The following LRP1B variants were observed in gnomAD, a reference collection of about 807,000 sequenced individuals.
LRP1B encodes the protein LDL receptor related protein 1B, also known as low-density lipoprotein receptor-related protein 1B.
In LRP1B, 217 loss-of-function variants were observed where a neutral mutation model predicts 556.6. The observed-to-expected ratio is 0.39, with a 90% CI of 0.35 to 0.44. The LOEUF (loss-of-function observed/expected upper bound fraction) is 0.44, where lower values mean the gene tolerates loss of function less well. Ranked by LOEUF, LRP1B falls within the 20% of genes least tolerant of loss-of-function variation. The pLI, the probability that LRP1B is intolerant of heterozygous loss-of-function variation, is 1.00. For synonymous variants in LRP1B, 2,047 were observed against 1,865.8 expected (o/e 1.10, Z -2.50); for missense variants, 5,053 against 5,620.8 (o/e 0.90, Z 3.23).
intron 2 of LRP1B, among the ~76,000 whole-genome samples, chr2:141,611,166 T>C (rs1411990831): frequency 6.6e-6 from 1 of 152,174 alleles, no homozygotes; most frequent in African/African-American, 2.4e-5. Context: ...TTAACCGTGG[T>C]TTCCCATAGT....
chr2:141,265,380 C>T (rs960176904), intron 3 of LRP1B, among the ~76,000 whole-genome samples: 1 of 152,118 alleles, frequency 6.6e-6, no homozygotes, highest in Non-Finnish European at 1.5e-5. Context: ...AGCGCGACCC[C>T]CTTCAACTGC....
intron 7 of LRP1B, among the ~76,000 whole-genome samples, chr2:141,148,859 G>C (rs775433657): frequency 1.3e-5 from 2 of 152,230 alleles, no homozygotes; most frequent in East Asian, 3.9e-4. Context: ...CGAGGCAGGC[G>C]GATCACTTGA....
intron 6 of LRP1B, among the ~76,000 whole-genome samples, chr2:141,226,274 G>A (rs1316353754): frequency 6.6e-6 from 1 of 152,064 alleles, no homozygotes; most frequent in Non-Finnish European, 1.5e-5. Flanking sequence ...ATTCTTTTTA[G>A]CCATCCAGCT....
intron 1 of LRP1B, among the ~76,000 whole-genome samples, chr2:142,008,831 G>A (rs1005498331): frequency 6.6e-6 from 1 of 151,954 alleles, no homozygotes; most frequent in African/African-American, 2.4e-5. Context: ...TATATAGTTG[G>A]TATTTCATAT....
At chr2:140,407,538 CAAAAT>C (rs911998831) in intron 66 of LRP1B, among the ~76,000 whole-genome samples, 2 of 151,894 alleles carry the variant, frequency 1.3e-5, no homozygotes, top group Non-Finnish European at 2.9e-5. Context: ...AGACATTTCT[CAAAAT>C]AAGATACACA....
intron 86 of LRP1B, among the ~76,000 whole-genome samples, 159 bp downstream of exon 86, chr2:140,270,083 A>AT (rs2104943200): frequency 6.6e-6 from 1 of 152,008 alleles, no homozygotes; most frequent in South Asian, 2.1e-4. Flanking sequence ...ATGAAAGGAG[A>AT]TTCTGCAGCA....
intron 60 of LRP1B, among the ~76,000 whole-genome samples, chr2:140,459,344 T>G (rs1687224874): frequency 6.6e-6 from 1 of 152,130 alleles, no homozygotes; most frequent in African/African-American, 2.4e-5. Flanking sequence ...ATTTCAAGAT[T>G]TTTAGAATAA....
intron 1 of LRP1B, among the ~76,000 whole-genome samples, chr2:141,824,483 C>T (rs1009713758): frequency 6.6e-6 from 1 of 152,116 alleles, no homozygotes; most frequent in Non-Finnish European, 1.5e-5. Flanking sequence ...CCTCAGCCTC[C>T]CGAGTAGAGT....
At chr2:141,926,986 A>G (rs1403388633) in intron 1 of LRP1B, among the ~76,000 whole-genome samples, 1 of 152,132 alleles carries the variant, frequency 6.6e-6, no homozygotes, top group Non-Finnish European at 1.5e-5. Context: ...TAGAAAGTAG[A>G]CTGCTTTGAT....
At chr2:140,849,739 G>GT (rs1692399159) in intron 29 of LRP1B, among the ~76,000 whole-genome samples, 1 of 151,824 alleles carries the variant, frequency 6.6e-6, no homozygotes, top group Admixed American at 6.6e-5. Context: ...GGGTTTCACC[G>GT]TGTTGGTTCA....
At position 140,766,890 on chromosome 2, in the gene LRP1B, C is replaced by T. The variant is rs557982378; in HGVS notation, c.5758+2323G>A. Among the ~76,000 whole-genome samples the T allele has an allele frequency of 8.6e-3, 1,177 of 137,260 alleles. 23 individuals carry two copies. Among genetic ancestry groups the T allele is most frequent in the African/African-American group, 0.033 (1,142 of 35,020 alleles). 90.0% of individuals were successfully genotyped at this position (137,260 alleles called of 152,430 possible). A position where few individuals can be genotyped will look rare whatever the true frequency, so the allele number is the denominator to read the frequency against. Reference sequence around the variant, plus strand: ...TAATATATATAACATATGATAATTTCTACAATATTTTACTTCCCACTTATT... The same window carrying T: ...TAATATATATAACATATGATAATTTTTACAATATTTTACTTCCCACTTATT... On this transcript the variant is annotated intron_variant, in intron 35 of 90. Coordinates refer to ENST00000389484, the MANE Select transcript of LRP1B (RefSeq NM_018557.3).
At chr2:141,453,530 T>C (rs1460902938) in intron 3 of LRP1B, among the ~76,000 whole-genome samples, 2 of 152,320 alleles carry the variant, frequency 1.3e-5, no homozygotes, top group African/African-American at 2.4e-5. Flanking sequence ...GTAATGTTAC[T>C]AGGTTCTGTG....
chr2:140,845,331 T>G (rs1191089727), intron 29 of LRP1B, among the ~76,000 whole-genome samples: 2 of 152,272 alleles, frequency 1.3e-5, no homozygotes, highest in South Asian at 2.1e-4. Context: ...ACCTACTATT[T>G]GTCCTAACTG....
chr2:142,119,212 C>T (rs1707371469), intron 1 of LRP1B, among the ~76,000 whole-genome samples: 1 of 152,078 alleles, frequency 6.6e-6, no homozygotes, highest in Non-Finnish European at 1.5e-5. Flanking sequence ...ACATACCATG[C>T]TTGAAAACTA....
chr2:142,061,938 G>A (rs774473906), intron 1 of LRP1B, among the ~76,000 whole-genome samples: 21 of 151,898 alleles, frequency 1.4e-4, no homozygotes, highest in Non-Finnish European at 2.9e-4. Flanking sequence ...CCTGGTGAAT[G>A]TCTCTCCAAC....
intron 4 of LRP1B, 110 bp downstream of exon 4, chr2:141,254,411 GT>G: frequency 1.9e-6 from 2 of 1,062,134 alleles, no homozygotes; most frequent in Non-Finnish European, 2.7e-6. Context: ...AGAAAGAAAA[GT>G]TAACATAAAC....
chr2:141,142,627 A>G (rs1701682792), intron 7 of LRP1B, among the ~76,000 whole-genome samples: 1 of 152,178 alleles, frequency 6.6e-6, no homozygotes, highest in African/African-American at 2.4e-5. Flanking sequence ...TGAGGCTTCA[A>G]TGAACCTGTT....
intron 3 of LRP1B, among the ~76,000 whole-genome samples, chr2:141,407,085 C>T (rs1690671223): frequency 6.6e-6 from 1 of 151,998 alleles, no homozygotes; most frequent in Non-Finnish European, 1.5e-5. Flanking sequence ...AGATTTTCTG[C>T]TCTAGCTTTT....
chr2:141,073,097 C>T (rs571406762), intron 7 of LRP1B, among the ~76,000 whole-genome samples: 3 of 151,992 alleles, frequency 2.0e-5, no homozygotes, highest in South Asian at 4.1e-4. Flanking sequence ...TAACCTTAAA[C>T]CACCTTCCAT....
Sources: allele counts gnomAD v4.1 joint callset (sites outside exome capture counted in the v4.1 genomes callset), GRCh38; gene constraint gnomAD v4.1.1; transcripts MANE v1.5; gene names NCBI Gene and HGNC (gene_info 2026-07-23, HGNC 2026-07-21).